The following ANKRD24 variants were observed in gnomAD, a reference collection of about 807,000 sequenced individuals.
ANKRD24 encodes ankyrin repeat domain-containing protein 24.
In ANKRD24, 109 loss-of-function variants were observed where a neutral mutation model predicts 127.8. That is an observed-to-expected ratio of 0.85 (90% CI 0.73 to 1.00). The LOEUF (loss-of-function observed/expected upper bound fraction) is 1.00, where lower values mean the gene tolerates loss of function less well. Among genes scored for constraint, ANKRD24 ranks in the 50% least tolerant of loss-of-function variants. The pLI, the probability that ANKRD24 is intolerant of heterozygous loss-of-function variation, is 0.00. For missense variants in ANKRD24, 1,648 were observed against 1,570.2 expected (o/e 1.05, Z -0.84); for synonymous variants, 743 against 671.1 (o/e 1.11, Z -1.66).
At chr19:4,193,505 A>G (rs1968503657) in intron 2 of ANKRD24, among the ~76,000 whole-genome samples, 1 of 148,936 alleles carries the variant, frequency 6.7e-6, no homozygotes, top group African/African-American at 2.5e-5. Flanking sequence ...GACAAGAAGG[A>G]GGCTACTATG....
chr19:4,198,024 G>T lies in ANKRD24; in HGVS notation c.37-1659G>T, dbSNP rs193279289. ...GAATGAATGAAAGTGTGAGTGGCGAGAGCCCTGCCGGCCGCGTGGAGGTGC... is the reference window on the plus strand; with the variant it reads ...GAATGAATGAAAGTGTGAGTGGCGATAGCCCTGCCGGCCGCGTGGAGGTGC... On this transcript the variant is annotated intron_variant, in intron 2 of 21. Coordinates refer to ENST00000318934, the MANE Select transcript of ANKRD24 (RefSeq NM_001393985.1). The surrounding 1 kb of genome is among the most constrained non-coding windows in gnomAD (Gnocchi z 6.1). 4.0e-4 allele frequency: 163 copies of T among 408,896 alleles called. 1 individual carries two copies. The highest frequency in any genetic ancestry group is 3.1e-3 in the African/African-American group (153 of 48,680). 25.3% of individuals were successfully genotyped at this position (408,896 alleles called of 1,614,324 possible). A position where few individuals can be genotyped will look rare whatever the true frequency, so the allele number is the denominator to read the frequency against.
chr19:4,214,201 C>G (rs1338173339), intron 15 of ANKRD24, among the ~76,000 whole-genome samples: 1 of 150,954 alleles, frequency 6.6e-6, no homozygotes, highest in Non-Finnish European at 1.5e-5. Context: ...GGGTCTTGTT[C>G]TGTTGTCCAG....
At position 4,217,141 on chromosome 19, in the gene ANKRD24, C is replaced by G. The variant is rs757772416; in HGVS notation, c.1981C>G (p.Gln661Glu). Residue 661 changes from glutamine (Q) to glutamate (E), a missense_variant, in exon 18 of 22, where the codon CAA becomes GAA. Coordinates refer to ENST00000318934, the MANE Select transcript of ANKRD24 (RefSeq NM_001393985.1). ...EMQAYGVGAG[Q>E]AEPPVTGTTN... ...GCAGGCCTACGGAGTGGGTGCTGGG[C>G]AAGCAGAGCCCCCAGTCACAGGGAC... 1.2e-6 allele frequency: 2 copies of G among 1,613,262 alleles called. No homozygotes were observed. Among genetic ancestry groups the G allele is most frequent in the Admixed American group, 3.3e-5 (2 of 59,866 alleles).
At chr19:4,213,532 G>A (rs1005896587) in intron 15 of ANKRD24, among the ~76,000 whole-genome samples, 1 of 139,294 alleles carries the variant, frequency 7.2e-6, no homozygotes, top group Admixed American at 7.5e-5. Context: ...CTCGGTTCAC[G>A]GCAACCTCTG....
rs1298651094 is a variant in ANKRD24 at position 4,218,128 on chromosome 19, C to T, written c.2968C>T (p.Arg990Trp). 2 of 1,536,660 alleles carry T rather than the reference C, an allele frequency of 1.3e-6. No homozygotes were observed. The highest frequency in any genetic ancestry group is 5.1e-5 in the East Asian group (2 of 39,302). Reference protein sequence around the residue: ...QLEGQLEELGRRHEKTSAEVF... With the variant: ...QLEGQLEELGWRHEKTSAEVF... ...GGAGGGGCAGCTGGAGGAGCTGGGA[C>T]GGCGGCATGAGAAGACCAGCGCAGA... Residue 990 changes from arginine to tryptophan, a missense_variant, in exon 18 of 22, where the codon CGG becomes TGG. Physicochemically the swap from Arg to Trp is moderately radical, Grantham distance 101. Transcript: ENST00000318934.
intron 18 of ANKRD24, 22 bp from the exon 19 acceptor site, chr19:4,219,569 C>A: frequency 6.3e-7 from 1 of 1,588,840 alleles, no homozygotes; most frequent in South Asian, 1.1e-5. Context: ...TCCTGAGAGT[C>A]ATGCGTGGGC....
Position 4,219,646 on chromosome 19 carries a change from T to G in ANKRD24, c.3059T>G (p.Leu1020Arg), listed in dbSNP as rs750043653. 3 of 1,613,824 alleles carry G rather than the reference T, an allele frequency of 1.9e-6. No homozygotes were observed. The highest frequency in any genetic ancestry group is 2.5e-6 in the Non-Finnish European group (3 of 1,179,804). The part of the protein sequence containing the change: ...KSERHAAEAQ[L>R]ATAEQQLRGL... ...GAGCGACACGCAGCCGAGGCACAGC[T>G]GGCCACAGCAGAGCAGCAGCTACGG... The change falls in exon 19 of 22, where the codon CTG becomes CGG. Residue 1020 changes from leucine to arginine, a missense_variant. Leu to Arg is a moderately radical substitution (Grantham distance 102). Transcript: ENST00000318934.
intron 15 of ANKRD24, among the ~76,000 whole-genome samples, chr19:4,215,273 G>C (rs911087647): frequency 2.0e-5 from 3 of 152,178 alleles, no homozygotes; most frequent in African/African-American, 4.8e-5. Context: ...ATCACCTGAG[G>C]TCAGGAGTCC....
chr19:4,216,292 G>C lies in ANKRD24; in HGVS notation c.1279G>C (p.Val427Leu). 2.6e-6 allele frequency: 4 copies of C among 1,554,152 alleles called. No individual in the cohort carries two copies. Among genetic ancestry groups the C allele is most frequent in the Non-Finnish European group, 3.5e-6 (4 of 1,148,488 alleles). Residue 427 changes from valine (V) to leucine (L), a missense_variant, in exon 17 of 22, where the codon GTG (valine) becomes CTG (leucine). Coordinates refer to ENST00000318934, the MANE Select transcript of ANKRD24 (RefSeq NM_001393985.1). ...TCTGCGTCCCCCTCCAGGGGCCGAG[G>C]TGCTGCTGTCCAGACAACTCAGTCC... is the stretch of plus-strand genomic sequence containing the variant. ...GELPDLPGAE[V>L]LLSRQLSPSA...
chr19:4,223,489 C>T (rs1383679493), intron 20 of ANKRD24, among the ~76,000 whole-genome samples: 1 of 149,548 alleles, frequency 6.7e-6, no homozygotes, highest in African/African-American at 2.5e-5. Flanking sequence ...CAACCTCTGC[C>T]TCCCGGCTCC....
intron 1 of ANKRD24, 186 bp from the exon 2 acceptor site, chr19:4,186,204 G>C: frequency 7.4e-7 from 1 of 1,346,382 alleles, no homozygotes; most frequent in East Asian, 2.7e-5. Context: ...AAGTAAAACA[G>C]AGAGGGCAAG....
chr19:4,190,444 G>T (rs1446852300), intron 2 of ANKRD24, among the ~76,000 whole-genome samples: 1 of 148,910 alleles, frequency 6.7e-6, no homozygotes, highest in African/African-American at 2.5e-5. Context: ...AAAAAATCTG[G>T]CTCGGCATGG....
chr19:4,187,985 G>A (rs1289252366), intron 2 of ANKRD24, among the ~76,000 whole-genome samples: 1 of 152,224 alleles, frequency 6.6e-6, no homozygotes, highest in Non-Finnish European at 1.5e-5. Flanking sequence ...AGCAGAGAGT[G>A]CGAGTGAGTG....
chr19:4,202,794 GT>G, intron 6 of ANKRD24, 74 bp from the exon 7 acceptor site: 1 of 1,470,784 alleles, frequency 6.8e-7, no homozygotes, highest in Non-Finnish European at 9.3e-7. Flanking sequence ...AGAGCCCAGG[GT>G]AGGGAAGGCA....
chr19:4,222,170 C>T (rs563877005), intron 19 of ANKRD24, among the ~76,000 whole-genome samples: 138 of 152,332 alleles, frequency 9.1e-4, no homozygotes, highest in African/African-American at 3.2e-3. Context: ...AAGTGGATCA[C>T]CTGAGGTCAG....
At chr19:4,196,613 G>A (rs1599410011) in intron 2 of ANKRD24, among the ~76,000 whole-genome samples, 2 of 152,276 alleles carry the variant, frequency 1.3e-5, no homozygotes, top group Non-Finnish European at 2.9e-5. Context: ...GACCTCAGGT[G>A]ATCTGCCCGC....
At position 4,217,022 on chromosome 19, in the gene ANKRD24, A is replaced by T; in HGVS notation, c.1862A>T (p.Lys621Met). ...TTEEEANMET[K>M]PTGAQATDTE... ...GAAGAAGAAGCAAACATGGAAACTA[A>T]GCCCACAGGAGCTCAGGCCACAGAC... The change falls in exon 18 of 22, where the codon AAG becomes ATG. Residue 621 changes from lysine (K) to methionine (M), a missense_variant. Lys to Met is a moderately conservative substitution (Grantham distance 95, BLOSUM62 -1). Coordinates refer to ENST00000318934, the MANE Select transcript of ANKRD24 (RefSeq NM_001393985.1). The T allele has an allele frequency of 6.2e-7, 1 of 1,613,838 alleles. No individual in the cohort carries two copies. The highest frequency in any genetic ancestry group is 8.5e-7 in the Non-Finnish European group (1 of 1,179,854).
At chr19:4,210,159 G>T in intron 12 of ANKRD24, 21 bp downstream of exon 12, 2 of 1,593,720 alleles carry the variant, frequency 1.3e-6, no homozygotes, top group Non-Finnish European at 1.7e-6. Context: ...CTCTGGGCAC[G>T]GGAGGAGGCA....
At position 4,217,638 on chromosome 19, in the gene ANKRD24, G is replaced by A. The variant is rs1970187257; in HGVS notation, c.2478G>A (p.Glu826=). Residue 826 remains glutamate, a synonymous_variant, in exon 18 of 22, where the codon GAG becomes GAA. Transcript: ENST00000318934. ...CTCGGGCCAGCCGGCTGCTGGCGGA[G>A]GAGGAGGCGCGGGGCCTGCGGGCCG... ...DEARASRLLA[E]EEARGLRAEL... The A allele has an allele frequency of 7.8e-7, 1 of 1,286,888 alleles. No homozygotes were observed. Among genetic ancestry groups the A allele is most frequent in the South Asian group, 2.4e-5 (1 of 42,088 alleles). 79.7% of individuals were successfully genotyped at this position (1,286,888 alleles called of 1,614,324 possible). A position where few individuals can be genotyped will look rare whatever the true frequency, so the allele number is the denominator to read the frequency against.
Sources: allele counts gnomAD v4.1 joint callset (sites outside exome capture counted in the v4.1 genomes callset), GRCh38; gene constraint gnomAD v4.1.1; non-coding constraint Gnocchi (gnomAD v3.1); transcripts MANE v1.5; gene names NCBI Gene and HGNC (gene_info 2026-07-23, HGNC 2026-07-21).